Variants in SH3PXD2B observed in about 807,000 individuals in gnomAD.
SH3PXD2B encodes SH3 and PX domain-containing protein 2B.
A neutral mutation model predicts 73.1 loss-of-function variants in SH3PXD2B; 37 were observed. That is an observed-to-expected ratio of 0.51 (90% CI 0.39 to 0.67). The LOEUF (loss-of-function observed/expected upper bound fraction) is 0.67. Among genes scored for constraint, SH3PXD2B ranks in the 30% least tolerant of loss-of-function variants. The pLI, the probability that SH3PXD2B is intolerant of heterozygous loss-of-function variation, is 0.00. For synonymous variants in SH3PXD2B, 457 were observed against 480.5 expected, an observed-to-expected ratio of 0.95 and a Z score of 0.64; for missense variants, 1,053 against 1,197.8, an observed-to-expected ratio of 0.88 and a Z score of 1.78.
At chr5:172,361,046 A>T (rs1757392614) in intron 7 of SH3PXD2B, among the ~76,000 whole-genome samples, 2 of 152,244 alleles carry the variant, frequency 1.3e-5, no homozygotes, top group South Asian at 4.1e-4. Flanking sequence ...AAAAAGTTGC[A>T]GATCAAAATG....
At chr5:172,392,603 G>A (rs11134745) in intron 4 of SH3PXD2B, among the ~76,000 whole-genome samples, 9,125 of 148,586 alleles carry the variant, frequency 0.061, 413 homozygotes, top group African/African-American at 0.13. Context: ...GTGTAACCCC[G>A]TCTCTACTAA....
rs145767631 is a variant in SH3PXD2B, at chr5:172,350,490, C to T, written c.885G>A (p.Pro295=). The part of the protein sequence containing the change: ...PKPGPGSPSH[P]GALDLDGVSR... Reference sequence around the variant, plus strand: ...AAACACCATCCAAGTCAAGGGCACCCGGGTGGGAGGGTGAGCCAGGGCCTG... The same window carrying T: ...AAACACCATCCAAGTCAAGGGCACCTGGGTGGGAGGGTGAGCCAGGGCCTG... Residue 295 remains proline, a synonymous_variant, in exon 10 of 13, where the codon CCG becomes CCA. Transcript: ENST00000311601. 2.5e-4 allele frequency: 396 copies of T among 1,612,878 alleles called. No homozygotes were observed. The highest frequency in any genetic ancestry group is 3.3e-4 in the Middle Eastern group (2 of 6,044).
chr5:172,406,730 C>T (rs1353355972), intron 2 of SH3PXD2B, among the ~76,000 whole-genome samples: 1 of 152,180 alleles, frequency 6.6e-6, no homozygotes, highest in Non-Finnish European at 1.5e-5. Flanking sequence ...AAATCATTAG[C>T]ATCCAATCAA....
intron 2 of SH3PXD2B, among the ~76,000 whole-genome samples, chr5:172,414,201 G>A (rs1758764180): frequency 6.6e-6 from 1 of 152,208 alleles, no homozygotes; most frequent in Non-Finnish European, 1.5e-5. Flanking sequence ...GGGCGCAGTG[G>A]CTCACGCCTG....
chr5:172,367,129 G>T (rs1255814091), intron 6 of SH3PXD2B, among the ~76,000 whole-genome samples: 1 of 151,442 alleles, frequency 6.6e-6, no homozygotes, highest in Non-Finnish European at 1.5e-5. Flanking sequence ...TAGAGATGGG[G>T]TCTCACCCAT....
In SH3PXD2B at chr5:172,358,758, C is replaced by A; in HGVS notation, c.667+15G>T. The stretch of plus-strand genomic sequence containing the variant: ...AGGTCCTCCCCAGTGAGCAGAGGCT[C>A]GAGCTCCTCCCTACCTTCTTCAGGC... On this transcript the variant is annotated intron_variant, in intron 8 of 12. Coordinates refer to ENST00000311601, the MANE Select transcript of SH3PXD2B (RefSeq NM_001017995.3). The A allele has an allele frequency of 6.2e-7, 1 of 1,604,774 alleles. No individual in the cohort carries two copies. The highest frequency in any genetic ancestry group is 8.5e-7 in the Non-Finnish European group (1 of 1,175,698).
At position 172,387,067 on chromosome 5, in the gene SH3PXD2B, GAAT is replaced by G. The variant is rs142831417; in HGVS notation, c.310-4943_310-4941del. On this transcript the variant is annotated intron_variant, in intron 4 of 12. Coordinates refer to ENST00000311601, the MANE Select transcript of SH3PXD2B (RefSeq NM_001017995.3). ...CAAAAAGTGAGTTGAAGAAAAATAT[GAAT>G]AATAATATAGGTGGGTGGTGTATGA... 6.0e-3 allele frequency among the ~76,000 whole-genome samples: 914 copies of G among 152,310 alleles called. 9 individuals are homozygous for G. The highest frequency in any genetic ancestry group is 0.021 in the African/African-American group (866 of 41,564).
chr5:172,380,973 G>C (rs1757930728), intron 5 of SH3PXD2B, among the ~76,000 whole-genome samples: 1 of 152,246 alleles, frequency 6.6e-6, no homozygotes, highest in Admixed American at 6.5e-5. Flanking sequence ...CGCTGTGTGT[G>C]TGTATAAATA....
chr5:172,362,650 T>C (rs1413862828), intron 7 of SH3PXD2B, 85 bp downstream of exon 7: 1 of 1,600,228 alleles, frequency 6.2e-7, no homozygotes, highest in African/African-American at 1.3e-5. Flanking sequence ...GGACTGGCCA[T>C]TTCAGTTTCT....
intron 1 of SH3PXD2B, among the ~76,000 whole-genome samples, chr5:172,423,539 C>A (rs1262302417): frequency 1.6e-5 from 1 of 61,886 alleles, no homozygotes; most frequent in African/African-American, 7.9e-5. Context: ...CACTTGGATA[C>A]GGGGTTGGGG....
At chr5:172,369,509 C>T (rs1218825414) in intron 6 of SH3PXD2B, among the ~76,000 whole-genome samples, 2 of 152,082 alleles carry the variant, frequency 1.3e-5, no homozygotes, top group Non-Finnish European at 2.9e-5. Context: ...GTGGCTCACG[C>T]CTGTAATCCC....
intron 1 of SH3PXD2B, among the ~76,000 whole-genome samples, chr5:172,428,230 T>G (rs1304095272): frequency 6.6e-6 from 1 of 152,212 alleles, no homozygotes; most frequent in African/African-American, 2.4e-5. Context: ...TTTCTTGAAG[T>G]CTTGGTTGTA....
chr5:172,454,132 C>A, intron 1 of SH3PXD2B, 146 bp downstream of exon 1: 1 of 519,464 alleles, frequency 1.9e-6, no homozygotes, highest in Non-Finnish European at 3.2e-6. Flanking sequence ...GGGAGGGACC[C>A]GGGCAGCGCC....
chr5:172,367,376 C>G (rs1247320665), intron 6 of SH3PXD2B, among the ~76,000 whole-genome samples: 4 of 143,530 alleles, frequency 2.8e-5, no homozygotes, highest in Non-Finnish European at 6.0e-5. Context: ...CCTGTCTAAT[C>G]CCCCTCTCAT....
In SH3PXD2B at chr5:172,336,378, C is replaced by A. The variant is rs1427498439; in HGVS notation, c.*1991G>T. Reference sequence around the variant, plus strand: ...CCCTTCTTCCCCTGGCTGCCATCTGCCCCCAACGCTCTGGGCACAGGGCCA... The same window carrying A: ...CCCTTCTTCCCCTGGCTGCCATCTGACCCCAACGCTCTGGGCACAGGGCCA... On this transcript the variant is annotated 3_prime_UTR_variant, in exon 13 of 13. Transcript: ENST00000311601. 3 of 985,850 alleles carry A rather than the reference C, an allele frequency of 3.0e-6. No homozygotes were observed. Among genetic ancestry groups the A allele is most frequent in the Non-Finnish European group, 3.6e-6 (3 of 830,002 alleles). The allele number at this position is 985,850 out of a possible 1,614,324, so 61.1% of individuals were successfully genotyped here.
chr5:172,407,148 G>A (rs2113431544), intron 2 of SH3PXD2B, among the ~76,000 whole-genome samples: 1 of 152,310 alleles, frequency 6.6e-6, no homozygotes, highest in East Asian at 1.9e-4. Flanking sequence ...CTGCCATAAG[G>A]ACACTGACTT....
intron 3 of SH3PXD2B, among the ~76,000 whole-genome samples, chr5:172,404,197 C>T (rs999520306): frequency 5.3e-5 from 8 of 152,148 alleles, no homozygotes; most frequent in Admixed American, 1.3e-4. Context: ...GACATTAATA[C>T]CTGAAGAACC....
At chr5:172,430,120 C>T (rs1759198945) in intron 1 of SH3PXD2B, among the ~76,000 whole-genome samples, 1 of 152,234 alleles carries the variant, frequency 6.6e-6, no homozygotes, top group South Asian at 2.1e-4. Flanking sequence ...GAAATGAGAA[C>T]ATGCATGTAG....
Position 172,445,662 on chromosome 5 carries a change from T to C in SH3PXD2B, c.75+8616A>G, listed in dbSNP as rs927227190. 2.0e-5 allele frequency among the ~76,000 whole-genome samples: 3 copies of C among 152,254 alleles called. No homozygotes were observed. On this transcript the variant is annotated intron_variant, in intron 1 of 12. Transcript: ENST00000311601. This position sits in a 1 kb window ranked among gnomAD's most constrained non-coding sequence, Gnocchi z 5.2. The stretch of plus-strand genomic sequence containing the variant: ...TCATAAATATGTCCCAAATATTGCA[T>C]GTTTATTTGAAACCGAAATTGAACT...
Sources: allele counts gnomAD v4.1 joint callset (sites outside exome capture counted in the v4.1 genomes callset), GRCh38; gene constraint gnomAD v4.1.1; non-coding constraint Gnocchi (gnomAD v3.1); transcripts MANE v1.5; gene names NCBI Gene and HGNC (gene_info 2026-07-23, HGNC 2026-07-21).